Variants in NOX3 observed in about 807,000 individuals in gnomAD.
NOX3 encodes the protein NADPH oxidase catalytic subunit-like 3.
In NOX3, 74 loss-of-function variants were observed where a neutral mutation model predicts 76.7. The observed-to-expected ratio is 0.96, with a 90% CI of 0.80 to 1.17. The LOEUF is 1.17. Ranked by LOEUF, NOX3 falls within the 50% of genes most tolerant of loss-of-function variation. NOX3 has a pLI of 0.00. For missense variants in NOX3, 695 were observed against 703.3 expected, an observed-to-expected ratio of 0.99 and a Z score of 0.13; for synonymous variants, 263 against 261.1, an observed-to-expected ratio of 1.01 and a Z score of -0.07.
At chr6:155,407,947 A>T (rs1408947794) in intron 11 of NOX3, among the ~76,000 whole-genome samples, 1 of 151,952 alleles carries the variant, frequency 6.6e-6, no homozygotes, top group Non-Finnish European at 1.5e-5. Context: ...ATCCCTTGTG[A>T]TCATTTTTGT....
chr6:155,412,276 C>G (rs570183836), intron 10 of NOX3, among the ~76,000 whole-genome samples: 1 of 152,062 alleles, frequency 6.6e-6, no homozygotes, highest in Non-Finnish European at 1.5e-5. Flanking sequence ...ATCCAGTGAT[C>G]AATGTTCTCT....
chr6:155,408,595 C>T (rs2294671), intron 11 of NOX3, among the ~76,000 whole-genome samples: 2,211 of 152,108 alleles, frequency 0.015, 48 homozygotes, highest in East Asian at 0.073. Context: ...CCCAACAGGT[C>T]AGGAGACAAT....
intron 4 of NOX3, among the ~76,000 whole-genome samples, chr6:155,452,693 A>T (rs1291813634): frequency 6.6e-6 from 1 of 151,942 alleles, no homozygotes; most frequent in Non-Finnish European, 1.5e-5. Flanking sequence ...TTTTATAGTT[A>T]AATTAGTTTG....
chr6:155,418,028 A>G (rs964122438), intron 10 of NOX3, among the ~76,000 whole-genome samples: 5 of 152,270 alleles, frequency 3.3e-5, no homozygotes, highest in African/African-American at 1.2e-4. Flanking sequence ...TCTGAAGACT[A>G]CATATGCAGT....
intron 12 of NOX3, among the ~76,000 whole-genome samples, chr6:155,404,961 C>A (rs1776427256): frequency 6.6e-6 from 1 of 151,800 alleles, no homozygotes; most frequent in South Asian, 2.1e-4. Context: ...AATTCCATGA[C>A]AACTGATAAA....
At chr6:155,435,064 C>T (rs185380353) in intron 7 of NOX3, among the ~76,000 whole-genome samples, 5 of 152,178 alleles carry the variant, frequency 3.3e-5, no homozygotes, top group African/African-American at 7.2e-5. Context: ...GAGAGAATAT[C>T]GTACAGTTCA....
At chr6:155,440,888 C>T (rs992216292) in intron 5 of NOX3, among the ~76,000 whole-genome samples, 2 of 152,120 alleles carry the variant, frequency 1.3e-5, no homozygotes, top group Non-Finnish European at 2.9e-5. Flanking sequence ...CCTAATAAAG[C>T]AGCTGCACAC....
rs757775068 is a variant in NOX3, at chr6:155,428,863, C to T, written c.1076G>A (p.Trp359Ter). The part of the protein sequence containing the change: ...FSVHIRAAGD[W>*]TAALLEAFGA... ...AAAGGCCTCCAGTAGCGCTGCTGTC[C>T]AGTCTCCTGCTGCCCGGATGTGCAC... Residue 359 changes from tryptophan (W) to a stop codon, truncating the protein, a stop_gained, in exon 9 of 14, where the codon TGG becomes TAG. Transcript: ENST00000159060. LOFTEE classifies it high-confidence loss of function. 1 of 1,610,572 alleles carries T rather than the reference C, an allele frequency of 6.2e-7. No individual in the cohort carries two copies. The highest frequency in any genetic ancestry group is 2.2e-5 in the East Asian group (1 of 44,756).
At chr6:155,434,638 A>T (rs1776877635) in intron 7 of NOX3, among the ~76,000 whole-genome samples, 1 of 152,192 alleles carries the variant, frequency 6.6e-6, no homozygotes, top group African/African-American at 2.4e-5. Context: ...GATATTGGCA[A>T]AGACACTCAG....
chr6:155,431,740 C>G (rs1776837276), intron 7 of NOX3, among the ~76,000 whole-genome samples: 1 of 152,070 alleles, frequency 6.6e-6, no homozygotes. Context: ...CTGAACAATC[C>G]CATGAGGCAT....
chr6:155,411,489 T>G lies in NOX3; in HGVS notation c.1309-129A>C, dbSNP rs868292218. The G allele has an allele frequency of 5.2e-5, 42 of 805,302 alleles. No homozygotes were observed. The Middle Eastern group carries it at 1.2e-3, about 23-fold the overall frequency. 49.9% of individuals were successfully genotyped at this position (805,302 alleles called of 1,614,324 possible). The stretch of plus-strand genomic sequence containing the variant: ...CTTCTGCAAAATAACATGCTTTTTT[T>G]TGTGTGTGTCAGTGAACAAACAGTC... On this transcript the variant is annotated intron_variant, in intron 10 of 13. Coordinates refer to ENST00000159060, the MANE Select transcript of NOX3 (RefSeq NM_015718.3).
At chr6:155,431,187 G>A (rs972571269) in intron 7 of NOX3, among the ~76,000 whole-genome samples, 2 of 152,042 alleles carry the variant, frequency 1.3e-5, no homozygotes, top group African/African-American at 4.8e-5. Flanking sequence ...GATCAATGAT[G>A]CCTTTATGTA....
rs147572930 is a variant in NOX3 at position 155,442,139 on chromosome 6, C to T, written c.486+1134G>A. On this transcript the variant is annotated intron_variant, in intron 5 of 13. Transcript: ENST00000159060. ...ATTAGCTGGGCGTGGTGGCGGGTGCCTATAGTCCCAGCTACTCAGGAGGCT... is the reference window on the plus strand; with the variant it reads ...ATTAGCTGGGCGTGGTGGCGGGTGCTTATAGTCCCAGCTACTCAGGAGGCT... Among the ~76,000 whole-genome samples, 1,038 of 152,208 alleles carry T rather than the reference C, an allele frequency of 6.8e-3. 10 individuals are homozygous for T. Among genetic ancestry groups the T allele is most frequent in the African/African-American group, 0.023 (954 of 41,510 alleles).
chr6:155,431,510 A>G (rs1776833738), intron 7 of NOX3, among the ~76,000 whole-genome samples: 1 of 152,028 alleles, frequency 6.6e-6, no homozygotes, highest in Admixed American at 6.6e-5. Flanking sequence ...TTATCTAATC[A>G]CAGCAAAAGG....
rs776233072 is a variant in NOX3, at chr6:155,422,724, A to T, written c.1278T>A (p.Ser426Arg). 23 of 1,613,992 alleles carry T rather than the reference A, an allele frequency of 1.4e-5. No individual in the cohort carries two copies. The Admixed American group carries it at 1.7e-4, about 12-fold the overall frequency. Reference protein sequence around the residue: ...ALLKSIWYKCSEAQTPLKLSK... With the variant: ...ALLKSIWYKCREAQTPLKLSK... ...TCAGCTTCAGTGGGGTCTGTGCCTC[A>T]CTGCATTTGTACCATATAGATTTCA... Residue 426 changes from serine to arginine, a missense_variant, in exon 10 of 14, where the codon AGT (serine) becomes AGA (arginine). By Grantham distance (110) the Ser-to-Arg change is moderately radical (BLOSUM62 -1). Transcript: ENST00000159060.
chr6:155,424,430 C>G (rs1161048893), intron 9 of NOX3, among the ~76,000 whole-genome samples: 1 of 152,188 alleles, frequency 6.6e-6, no homozygotes. Context: ...ATAACCTCAA[C>G]TATTCCAAAA....
intron 7 of NOX3, among the ~76,000 whole-genome samples, chr6:155,434,488 T>C (rs920553216): frequency 1.3e-5 from 2 of 152,164 alleles, no homozygotes; most frequent in Non-Finnish European, 2.9e-5. Flanking sequence ...GAAGCGTCCC[T>C]GGGAAGGATG....
chr6:155,419,470 T>G (rs895943195), intron 10 of NOX3, among the ~76,000 whole-genome samples: 2 of 152,174 alleles, frequency 1.3e-5, no homozygotes, highest in African/African-American at 4.8e-5. Context: ...GCTAGGAGAT[T>G]AGGACCTTTA....
At chr6:155,405,877 C>T (rs1044186062) in intron 12 of NOX3, among the ~76,000 whole-genome samples, 2 of 152,248 alleles carry the variant, frequency 1.3e-5, no homozygotes, top group African/African-American at 4.8e-5. Context: ...CCACGTCACT[C>T]TACTGCTCAA....
Sources: allele counts gnomAD v4.1 joint callset (sites outside exome capture counted in the v4.1 genomes callset), GRCh38; gene constraint gnomAD v4.1.1; transcripts MANE v1.5; gene names NCBI Gene and HGNC (gene_info 2026-07-23, HGNC 2026-07-21).